Variants in CYP2C18 observed in about 807,000 individuals in gnomAD.
CYP2C18 encodes cytochrome P450 family 2 subfamily C member 18.
Under a neutral mutation model 41.3 loss-of-function variants are expected in CYP2C18, and 38 were observed. The observed-to-expected ratio is 0.92, with a 90% confidence interval of 0.71 to 1.21. CYP2C18 has a LOEUF of 1.21. Ranked by LOEUF, CYP2C18 falls within the 50% of genes most tolerant of loss-of-function variation. The probability of loss-of-function intolerance (pLI) is 0.00; values close to 1 mark genes in which losing one functional copy is unlikely to be tolerated. For synonymous variants in CYP2C18, 236 were observed against 210.0 expected, an observed-to-expected ratio of 1.12 and a Z score of -1.07; for missense variants, 635 against 591.4, an observed-to-expected ratio of 1.07 and a Z score of -0.77.
At chr10:94,709,936 A>T (rs1847407624) in intron 5 of CYP2C18, among the ~76,000 whole-genome samples, 1 of 152,002 alleles carries the variant, frequency 6.6e-6, no homozygotes, top group Admixed American at 6.6e-5. Flanking sequence ...TAGACTCTAA[A>T]TTCTATTTCA....
At chr10:94,722,221 T>C (rs1847658926) in intron 6 of CYP2C18, among the ~76,000 whole-genome samples, 1 of 152,172 alleles carries the variant, frequency 6.6e-6, no homozygotes, top group African/African-American at 2.4e-5. Flanking sequence ...CTGAGGAATT[T>C]TATGATTATC....
intron 1 of CYP2C18, among the ~76,000 whole-genome samples, chr10:94,685,546 G>A (rs1239196530): frequency 1.3e-5 from 2 of 152,014 alleles, no homozygotes; most frequent in South Asian, 2.1e-4. Flanking sequence ...TATGCTTAAG[G>A]CTTTAATTCA....
intron 4 of CYP2C18, among the ~76,000 whole-genome samples, chr10:94,703,051 A>G (rs1033015185): frequency 2.0e-5 from 3 of 152,188 alleles, no homozygotes; most frequent in Non-Finnish European, 4.4e-5. Context: ...TTGCCTGGGT[A>G]TCACCAGCAG....
chr10:94,687,857 G>GC lies in CYP2C18; in HGVS notation c.259dup (p.Leu87ProfsTer3). On this transcript the variant is annotated frameshift_variant, in exon 2 of 9. Transcript: ENST00000285979. LOFTEE classifies it high-confidence loss of function. Reference sequence around the variant, plus strand: ...GCATGGATATGAAGCAGTGAAGGAGGCCCTGATTGATCATGGAGAGGAGTT... The same window carrying GC: ...GCATGGATATGAAGCAGTGAAGGAGGCCCCTGATTGATCATGGAGAGGAGTT... The GC allele has an allele frequency of 6.2e-7, 1 of 1,613,874 alleles. No individual in the cohort carries two copies. Among genetic ancestry groups the GC allele is most frequent in the South Asian group, 1.1e-5 (1 of 91,082 alleles).
intron 4 of CYP2C18, among the ~76,000 whole-genome samples, chr10:94,699,247 C>T (rs557908013): frequency 9.2e-5 from 14 of 152,254 alleles, no homozygotes; most frequent in African/African-American, 2.9e-4. Flanking sequence ...ACTGGCAAAC[C>T]GAATCCAGCA....
chr10:94,703,745 G>A (rs894234619), intron 4 of CYP2C18, among the ~76,000 whole-genome samples: 1 of 152,100 alleles, frequency 6.6e-6, no homozygotes, highest in Non-Finnish European at 1.5e-5. Flanking sequence ...GGAGTGAATG[G>A]TTCTGTCTCA....
At chr10:94,700,159 C>T (rs936824524) in intron 4 of CYP2C18, among the ~76,000 whole-genome samples, 64 of 152,230 alleles carry the variant, frequency 4.2e-4, no homozygotes, top group East Asian at 3.3e-3. Flanking sequence ...AAAAAGAGCC[C>T]GCATTGCCAA....
At chr10:94,698,951 G>A (rs1564640203) in intron 4 of CYP2C18, among the ~76,000 whole-genome samples, 1 of 152,106 alleles carries the variant, frequency 6.6e-6, no homozygotes, top group Non-Finnish European at 1.5e-5. Flanking sequence ...TCCCTGAATA[G>A]ACCAATAACA....
intron 4 of CYP2C18, among the ~76,000 whole-genome samples, chr10:94,705,058 G>A (rs529116337): frequency 6.6e-6 from 1 of 152,202 alleles, no homozygotes; most frequent in African/African-American, 2.4e-5. Flanking sequence ...TAGGAACCAG[G>A]GCCTTCCACT....
intron 4 of CYP2C18, among the ~76,000 whole-genome samples, chr10:94,700,867 A>G: frequency 6.6e-6 from 1 of 152,240 alleles, no homozygotes; most frequent in Admixed American, 6.5e-5. Flanking sequence ...ACACATGAAA[A>G]AATGCTCATC....
intron 1 of CYP2C18, 88 bp from the exon 2 acceptor site, chr10:94,687,682 A>T: frequency 1.8e-6 from 2 of 1,109,512 alleles, no homozygotes; most frequent in South Asian, 3.0e-5. Flanking sequence ...TAACAACATT[A>T]TGATGATAAT....
intron 4 of CYP2C18, among the ~76,000 whole-genome samples, chr10:94,702,175 G>A (rs1057024467): frequency 5.9e-5 from 9 of 151,922 alleles, no homozygotes; most frequent in South Asian, 2.1e-4. Context: ...TATTTTTTCC[G>A]TCATTTCAAC....
chr10:94,687,675 C>T (rs965012919), intron 1 of CYP2C18, 95 bp from the exon 2 acceptor site: 6 of 1,059,316 alleles, frequency 5.7e-6, no homozygotes, highest in Middle Eastern at 2.3e-4. Context: ...ATAATCATAA[C>T]AACATTATGA....
chr10:94,698,423 T>C (rs908708143), intron 4 of CYP2C18, among the ~76,000 whole-genome samples: 1 of 152,188 alleles, frequency 6.6e-6, no homozygotes, highest in Non-Finnish European at 1.5e-5. Context: ...AAATGTTCTT[T>C]GAAACCAATG....
At chr10:94,707,131 T>TAC (rs1282189287) in intron 5 of CYP2C18, among the ~76,000 whole-genome samples, 171 bp downstream of exon 5, 152 of 111,444 alleles carry the variant, frequency 1.4e-3, no homozygotes, top group Middle Eastern at 9.4e-3. Context: ...AACAATTATA[T>TAC]GTGAGCACCA....
At chr10:94,688,825 A>G (rs773907081) in intron 3 of CYP2C18, among the ~76,000 whole-genome samples, 2 of 152,176 alleles carry the variant, frequency 1.3e-5, no homozygotes, top group Non-Finnish European at 2.9e-5. Context: ...CCAAAGTGTA[A>G]TTGTGGGTTA....
At chr10:94,713,675 T>C (rs940690799) in intron 5 of CYP2C18, among the ~76,000 whole-genome samples, 1 of 152,244 alleles carries the variant, frequency 6.6e-6, no homozygotes, top group Non-Finnish European at 1.5e-5. Context: ...GCATGATTTA[T>C]AATCCTTTGG....
At position 94,735,332 on chromosome 10, in the gene CYP2C18, A is replaced by G. The variant is rs1403285728; in HGVS notation, c.1361A>G (p.Gln454Arg). 1 of 1,613,746 alleles carries G rather than the reference A, an allele frequency of 6.2e-7. No homozygotes were observed. The highest frequency in any genetic ancestry group is 8.5e-7 in the Non-Finnish European group (1 of 1,179,766). The change falls in exon 9 of 9, where the codon CAG becomes CGG. Residue 454 changes from glutamine (Q) to arginine (R), a missense_variant. Coordinates refer to ENST00000285979, the MANE Select transcript of CYP2C18 (RefSeq NM_000772.3). ...TTTTTATTCCTGACCACCATTTTGC[A>G]GAACTTTAACCTGAAATCTCAGGTT... The part of the protein sequence containing the change: ...ELFLFLTTIL[Q>R]NFNLKSQVDP...
intron 4 of CYP2C18, among the ~76,000 whole-genome samples, chr10:94,706,494 A>G (rs1431021456): frequency 3.3e-5 from 5 of 152,214 alleles, no homozygotes; most frequent in Non-Finnish European, 2.9e-5. Flanking sequence ...TTTCAAGGCT[A>G]TGGAGAAGAA....
Sources: allele counts gnomAD v4.1 joint callset (sites outside exome capture counted in the v4.1 genomes callset), GRCh38; gene constraint gnomAD v4.1.1; transcripts MANE v1.5; gene names NCBI Gene and HGNC (gene_info 2026-07-23, HGNC 2026-07-21).